The following CHSY3 variants were observed in gnomAD, a reference collection of about 807,000 sequenced individuals.
The protein encoded by CHSY3 is N-acetylgalactosaminyl-proteoglycan 3-beta-glucuronosyltransferase 3.
In CHSY3, 35 loss-of-function variants were observed where a neutral mutation model predicts 67.2. The observed-to-expected ratio is 0.52, with a 90% CI of 0.40 to 0.69. CHSY3 has a LOEUF of 0.69. CHSY3 is among the 30% of genes least tolerant of loss of function. The pLI, the probability that CHSY3 is intolerant of heterozygous loss-of-function variation, is 0.00. For synonymous variants in CHSY3, 474 were observed against 434.7 expected (o/e 1.09, Z -1.12); for missense variants, 1,069 against 1,138.5 (o/e 0.94, Z 0.88).
intron 2 of CHSY3, among the ~76,000 whole-genome samples, chr5:130,112,299 T>A (rs1270301498): frequency 6.6e-6 from 1 of 152,188 alleles, no homozygotes; most frequent in Non-Finnish European, 1.5e-5. Context: ...TAGAAAGTTA[T>A]TTTTGTAGTG....
At chr5:130,002,849 G>A (rs1402542491) in intron 2 of CHSY3, among the ~76,000 whole-genome samples, 1 of 152,036 alleles carries the variant, frequency 6.6e-6, no homozygotes, top group African/African-American at 2.4e-5. Context: ...GGGCTGGAGG[G>A]GGTGGGTAGC....
intron 2 of CHSY3, among the ~76,000 whole-genome samples, chr5:130,070,614 G>A (rs971303508): frequency 3.9e-5 from 6 of 151,998 alleles, no homozygotes; most frequent in South Asian, 2.1e-4. Flanking sequence ...TGGTTTTATC[G>A]GATGTTGAAA....
intron 2 of CHSY3, among the ~76,000 whole-genome samples, chr5:130,080,341 G>T (rs936167297): frequency 6.6e-6 from 1 of 151,936 alleles, no homozygotes; most frequent in African/African-American, 2.4e-5. Flanking sequence ...TAGCACAGTA[G>T]GTATTCTATC....
chr5:130,011,866 C>G (rs1764071618), intron 2 of CHSY3, among the ~76,000 whole-genome samples: 2 of 152,044 alleles, frequency 1.3e-5, no homozygotes, highest in Admixed American at 6.6e-5. Context: ...TTCACAATAG[C>G]CACAAAAAGA....
At position 129,920,712 on chromosome 5, in the gene CHSY3, G is replaced by A. The variant is rs576356620; in HGVS notation, c.1086+12352G>A. Among the ~76,000 whole-genome samples the A allele has an allele frequency of 2.0e-4, 30 of 152,326 alleles. 1 individual carries two copies. The highest frequency in any genetic ancestry group is 1.0e-3 in the Admixed American group (16 of 15,298). ...ACTGTGGTTGTAACTTTTACAGTTTGAAGTGTATCAGTAAAGCTAGCACTA... is the reference window on the plus strand; with the variant it reads ...ACTGTGGTTGTAACTTTTACAGTTTAAAGTGTATCAGTAAAGCTAGCACTA... On this transcript the variant is annotated intron_variant, in intron 2 of 2. Coordinates refer to ENST00000305031, the MANE Select transcript of CHSY3 (RefSeq NM_175856.5).
At chr5:129,915,725 A>G (rs4308510) in intron 2 of CHSY3, among the ~76,000 whole-genome samples, 1 of 152,190 alleles carries the variant, frequency 6.6e-6, no homozygotes, top group Non-Finnish European at 1.5e-5. Flanking sequence ...TAATATGTGT[A>G]ATATTAATAT....
Position 129,931,598 on chromosome 5 carries a change from T to TATA in CHSY3, c.1086+23238_1086+23239insATA, listed in dbSNP as rs1294475166. ...CTTTTGCTTTTCAATTTTCCAGATG[T>TATA]GTAGGTGATGTATAGGTGATGTATA... On this transcript the variant is annotated intron_variant, in intron 2 of 2. Transcript: ENST00000305031. 1.2e-4 allele frequency among the ~76,000 whole-genome samples: 18 copies of TATA among 152,160 alleles called. 1 individual carries two copies. The highest frequency in any genetic ancestry group is 4.3e-4 in the African/African-American group (18 of 41,550).
At chr5:130,046,668 G>A (rs1216144622) in intron 2 of CHSY3, among the ~76,000 whole-genome samples, 1 of 151,948 alleles carries the variant, frequency 6.6e-6, no homozygotes, top group Non-Finnish European at 1.5e-5. Flanking sequence ...GGAACAACAG[G>A]GAAACTAAAC....
At chr5:130,064,377 CA>C (rs1346800772) in intron 2 of CHSY3, among the ~76,000 whole-genome samples, 1 of 152,072 alleles carries the variant, frequency 6.6e-6, no homozygotes, top group Non-Finnish European at 1.5e-5. Flanking sequence ...AGTTTTTACA[CA>C]ATTATACAGT....
intron 2 of CHSY3, among the ~76,000 whole-genome samples, chr5:129,923,980 T>C (rs1330693161): frequency 6.6e-6 from 1 of 152,132 alleles, no homozygotes; most frequent in East Asian, 1.9e-4. Context: ...GTAGTTAATA[T>C]TTAAAATTAA....
intron 2 of CHSY3, among the ~76,000 whole-genome samples, chr5:129,941,392 A>T (rs541143983): frequency 1.3e-5 from 2 of 152,186 alleles, no homozygotes; most frequent in African/African-American, 4.8e-5. Context: ...ATATTAAATT[A>T]TATGAGACAG....
At chr5:130,158,299 G>A (rs534156472) in intron 2 of CHSY3, among the ~76,000 whole-genome samples, 1 of 152,282 alleles carries the variant, frequency 6.6e-6, no homozygotes, top group East Asian at 1.9e-4. Context: ...CTGGTGTGGT[G>A]AGTGGCAGGA....
chr5:130,143,796 A>ATATGTGTGTG (rs1554085939), intron 2 of CHSY3, among the ~76,000 whole-genome samples: 2 of 92,268 alleles, frequency 2.2e-5, no homozygotes, highest in African/African-American at 9.9e-5. Flanking sequence ...ATATATATAT[A>ATATGTGTGTG]TATATATATG....
intron 2 of CHSY3, among the ~76,000 whole-genome samples, chr5:130,074,250 T>C (rs1230433287): frequency 1.3e-5 from 2 of 151,992 alleles, no homozygotes; most frequent in Non-Finnish European, 2.9e-5. Context: ...TTTGTATTTT[T>C]AGTACAGATG....
chr5:130,170,395 A>G (rs1199398092), intron 2 of CHSY3, among the ~76,000 whole-genome samples: 1 of 152,082 alleles, frequency 6.6e-6, no homozygotes, highest in Non-Finnish European at 1.5e-5. Context: ...GTTGATGGAC[A>G]CTTAGGTTGA....
At chr5:130,041,388 C>T (rs1765003376) in intron 2 of CHSY3, among the ~76,000 whole-genome samples, 1 of 152,074 alleles carries the variant, frequency 6.6e-6, no homozygotes, top group African/African-American at 2.4e-5. Flanking sequence ...CTGAAGCTGC[C>T]TCTAGGCACT....
chr5:130,157,830 G>A (rs981329770), intron 2 of CHSY3, among the ~76,000 whole-genome samples: 1 of 152,262 alleles, frequency 6.6e-6, no homozygotes, highest in African/African-American at 2.4e-5. Context: ...AACAAGGGGT[G>A]GATTATTCAT....
intron 2 of CHSY3, among the ~76,000 whole-genome samples, chr5:129,993,210 T>C (rs1763420498): frequency 6.6e-6 from 1 of 152,152 alleles, no homozygotes; most frequent in Admixed American, 6.6e-5. Flanking sequence ...TTCTCGTCAT[T>C]AGTTCTGAAT....
intron 2 of CHSY3, among the ~76,000 whole-genome samples, chr5:129,944,223 T>C (rs1344514212): frequency 6.6e-6 from 1 of 152,292 alleles, no homozygotes; most frequent in South Asian, 2.1e-4. Flanking sequence ...TGAACATCCA[T>C]GAGTTTACTG....
Sources: allele counts gnomAD v4.1 joint callset (sites outside exome capture counted in the v4.1 genomes callset), GRCh38; gene constraint gnomAD v4.1.1; transcripts MANE v1.5; gene names NCBI Gene and HGNC (gene_info 2026-07-23, HGNC 2026-07-21).